NUP107: variants seen among roughly 807,000 people sequenced by gnomAD.
The protein encoded by NUP107 is nucleoporin 107.
NUP107 carries 101 observed loss-of-function variants against 141.0 expected under a neutral mutation model. The ratio of observed to expected loss-of-function variants is 0.72; its 90% confidence interval spans 0.61 to 0.84. The LOEUF is 0.84. NUP107 is among the 40% of genes least tolerant of loss of function. The pLI, the probability that NUP107 is intolerant of heterozygous loss-of-function variation, is 0.00. For missense variants in NUP107, 941 were observed against 1,102.7 expected (o/e 0.85, Z 2.08); for synonymous variants, 319 against 363.9 (o/e 0.88, Z 1.41).
At position 68,726,587 on chromosome 12, in the gene NUP107, G is replaced by T. The variant is rs1383981077; in HGVS notation, c.1665G>T (p.Leu555Phe). ...HLLRFMTHLI[L>F]FFRTLGLQTK... ...TTCGCTTTATGACTCACCTTATTTT[G>T]TTTTTCCGTACTCTGGGACTACAGA... The change falls in exon 19 of 28, where the codon TTG becomes TTT. Residue 555 changes from leucine (L) to phenylalanine (F), a missense_variant. Coordinates refer to ENST00000229179, the MANE Select transcript of NUP107 (RefSeq NM_020401.4). 6.2e-7 allele frequency: 1 copy of T among 1,613,384 alleles called. No homozygotes were observed. Among genetic ancestry groups the T allele is most frequent in the Non-Finnish European group, 8.5e-7 (1 of 1,179,576 alleles).
In NUP107 at chr12:68,731,239, C is replaced by G; in HGVS notation, c.1864C>G (p.Leu622Val). Reference sequence around the variant, plus strand: ...AGAATTTGAACAGCGCCACCATTGCCTGGAGTTGGCTAAAGAAGCAGGTAA... The same window carrying G: ...AGAATTTGAACAGCGCCACCATTGCGTGGAGTTGGCTAAAGAAGCAGGTAA... ...VTEFEQRHHC[L>V]ELAKEADLDV... is the part of the protein sequence containing the mutation. The change falls in exon 21 of 28, where the codon CTG becomes GTG. Residue 622 changes from leucine (L) to valine (V), a missense_variant. Leu to Val is a conservative substitution (Grantham distance 32). Transcript: ENST00000229179. The G allele has an allele frequency of 6.2e-7, 1 of 1,600,506 alleles. No individual in the cohort carries two copies. The highest frequency in any genetic ancestry group is 2.2e-5 in the East Asian group (1 of 44,522).
intron 12 of NUP107, among the ~76,000 whole-genome samples, chr12:68,717,698 C>T (rs1360734398): frequency 6.6e-6 from 1 of 152,176 alleles, no homozygotes; most frequent in Non-Finnish European, 1.5e-5. Flanking sequence ...CCTGTAACCT[C>T]TAATCTACTT....
Position 68,736,286 on chromosome 12 carries a change from A to AT in NUP107, c.2502+952dup, listed in dbSNP as rs879352775. On this transcript the variant is annotated intron_variant, in intron 26 of 27. Coordinates refer to ENST00000229179, the MANE Select transcript of NUP107 (RefSeq NM_020401.4). ...CTTTTTCTTTAATTTTAGCTATTGC[A>AT]TTTTTTTTTTAGCCTGTCTTCTCTG... is the stretch of plus-strand genomic sequence containing the variant. Among the ~76,000 whole-genome samples, 153 of 148,118 alleles carry AT rather than the reference A, an allele frequency of 1.0e-3. 1 individual carries two copies. The highest frequency in any genetic ancestry group is 1.9e-3 in the Non-Finnish European group (124 of 66,806).
intron 12 of NUP107, 121 bp from the exon 13 acceptor site, chr12:68,719,220 C>T: frequency 4.4e-6 from 3 of 688,816 alleles, no homozygotes; most frequent in Non-Finnish European, 7.5e-6. Context: ...TACATCCATC[C>T]CTTGTAATGG....
chr12:68,709,888 C>CA lies in NUP107; in HGVS notation c.802-106dup, dbSNP rs61024131. 124,308 of 469,746 alleles carry CA rather than the reference C, an allele frequency of 0.26. 6,271 individuals carry two copies. The highest frequency in any genetic ancestry group is 0.42 in the South Asian group (20,292 of 47,874). The allele number at this position is 469,746 out of a possible 1,614,324, so 29.1% of individuals were successfully genotyped here. On this transcript the variant is annotated intron_variant, in intron 9 of 27. Transcript: ENST00000229179. ...TGCACGACAGAGTGAGACTCTTTCT[C>CA]AAAAAAAAAAATAAAAAATCTGAAA...
chr12:68,710,054 T>G lies in NUP107; in HGVS notation c.851T>G (p.Phe284Cys). The change falls in exon 10 of 28, where the codon TTT becomes TGT. Residue 284 changes from phenylalanine to cysteine, a missense_variant. Transcript: ENST00000229179. ...ATTGCCAAAGATGAAATTGGAGAAT[T>G]TTCTGATAATATTGAGTTTTATGCA... The part of the protein sequence containing the change: ...ESIAKDEIGE[F>C]SDNIEFYAKS... 1 of 1,597,064 alleles carries G rather than the reference T, an allele frequency of 6.3e-7. No homozygotes were observed. Among genetic ancestry groups the G allele is most frequent in the Non-Finnish European group, 8.6e-7 (1 of 1,166,330 alleles).
chr12:68,707,064 C>A, intron 8 of NUP107: 1 of 579,904 alleles, frequency 1.7e-6, no homozygotes, highest in Non-Finnish European at 3.1e-6. Context: ...GATGTACTGA[C>A]CAAGTGAACA....
At chr12:68,732,957 A>G (rs1592521341) in intron 23 of NUP107, among the ~76,000 whole-genome samples, 1 of 152,210 alleles carries the variant, frequency 6.6e-6, no homozygotes, top group South Asian at 2.1e-4. Context: ...TGCTGGGATT[A>G]TAGGCGTGAA....
intron 26 of NUP107, chr12:68,739,643 C>T (rs1405394337): frequency 6.6e-6 from 1 of 152,308 alleles, no homozygotes. Context: ...CGAGACCATC[C>T]TGGCTAACAC....
intron 21 of NUP107, 39 bp downstream of exon 21, chr12:68,731,299 G>C (rs1457579802): frequency 6.4e-7 from 1 of 1,557,786 alleles, no homozygotes; most frequent in Non-Finnish European, 8.7e-7. Flanking sequence ...GGCCTTTCTA[G>C]GCAAATGTTC....
rs774584028 is a variant in NUP107, at chr12:68,690,753, A to T, written c.303+7A>T. The T allele has an allele frequency of 6.2e-7, 1 of 1,613,868 alleles. No individual in the cohort carries two copies. The highest frequency in any genetic ancestry group is 1.7e-5 in the Admixed American group (1 of 59,972). On this transcript the variant is annotated splice_region_variant and intron_variant, in intron 4 of 27. Transcript: ENST00000229179. The stretch of plus-strand genomic sequence containing the variant: ...CTTTGGAAATCTCTCCATGGTATGT[A>T]GAAAAATAGGGCTAAGAACTCCTTT...
rs760231347 is a variant in NUP107 at position 68,726,595 on chromosome 12, G to A, written c.1673G>A (p.Arg558His). 21 of 1,611,670 alleles carry A rather than the reference G, an allele frequency of 1.3e-5. No individual in the cohort carries two copies. Among genetic ancestry groups the A allele is most frequent in the African/African-American group, 1.1e-4 (8 of 74,840 alleles). The change falls in exon 19 of 28, where the codon CGT (arginine) becomes CAT (histidine). Residue 558 changes from arginine to histidine, a missense_variant. Transcript: ENST00000229179. ...ATGACTCACCTTATTTTGTTTTTCC[G>A]TACTCTGGGACTACAGACCAAGGTA... ...RFMTHLILFF[R>H]TLGLQTKEEV...
chr12:68,726,474 G>A, intron 18 of NUP107, 25 bp from the exon 19 acceptor site: 1 of 1,407,214 alleles, frequency 7.1e-7, no homozygotes, highest in Non-Finnish European at 1.0e-6. Flanking sequence ...TCCTATTGTT[G>A]AATCTTCACT....
intron 26 of NUP107, among the ~76,000 whole-genome samples, chr12:68,738,450 C>CAAAA: frequency 1.1e-5 from 1 of 89,610 alleles, no homozygotes; most frequent in African/African-American, 5.0e-5. Flanking sequence ...GACTCCGTCT[C>CAAAA]AAAAAAAAAA....
chr12:68,709,409 AT>A (rs975534684), intron 9 of NUP107, 100 bp downstream of exon 9: 17 of 643,638 alleles, frequency 2.6e-5, no homozygotes, highest in Non-Finnish European at 3.1e-5. Flanking sequence ...TGTTTTCTGA[AT>A]TTTTTTTCTA....
rs1325818935 is a variant in NUP107, at chr12:68,709,181, T to C, written c.730-57T>C. ...TTTTTATCTTTCTATTAAAATAATA[T>C]TTCTTAACAGCATCTTCTTTTCATT... On this transcript the variant is annotated intron_variant, in intron 8 of 27. Transcript: ENST00000229179. 16 of 1,151,262 alleles carry C rather than the reference T, an allele frequency of 1.4e-5. No homozygotes were observed. The Admixed American group carries it at 3.5e-4, about 25-fold the overall frequency. The allele number at this position is 1,151,262 out of a possible 1,614,324, so 71.3% of individuals were successfully genotyped here. A position where few individuals can be genotyped will look rare whatever the true frequency, so the allele number is the denominator to read the frequency against.
At chr12:68,705,793 T>C in intron 8 of NUP107, 1 of 758,478 alleles carries the variant, frequency 1.3e-6, no homozygotes. Flanking sequence ...GGGTGGAGAC[T>C]TTGGCAGGGC....
chr12:68,688,883 A>T, intron 1 of NUP107, 79 bp from the exon 2 acceptor site: 1 of 1,065,642 alleles, frequency 9.4e-7, no homozygotes, highest in Non-Finnish European at 1.4e-6. Context: ...AGGGTCCTTT[A>T]CTCCAACTGT....
intron 5 of NUP107, among the ~76,000 whole-genome samples, chr12:68,694,783 C>T (rs1475472072): frequency 5.9e-5 from 9 of 152,160 alleles, no homozygotes; most frequent in African/African-American, 9.7e-5. Flanking sequence ...TGCCTGTAAT[C>T]GCAGCTACTC....
Sources: allele counts gnomAD v4.1 joint callset (sites outside exome capture counted in the v4.1 genomes callset), GRCh38; gene constraint gnomAD v4.1.1; transcripts MANE v1.5; gene names NCBI Gene and HGNC (gene_info 2026-07-23, HGNC 2026-07-21).